Variants in NPY5R observed in about 807,000 individuals in gnomAD.
NPY5R encodes the protein neuropeptide Y receptor Y5.
Under a neutral mutation model 24.8 loss-of-function variants are expected in NPY5R, and 21 were observed. That is an observed-to-expected ratio of 0.85 (90% CI 0.60 to 1.22). The LOEUF (loss-of-function observed/expected upper bound fraction) is 1.22, where lower values mean the gene tolerates loss of function less well. Among genes scored for constraint, NPY5R ranks in the 50% most tolerant of loss-of-function variants. The pLI is 0.00. For missense variants in NPY5R, 481 were observed against 521.3 expected, an observed-to-expected ratio of 0.92 and a Z score of 0.75; for synonymous variants, 175 against 183.0, an observed-to-expected ratio of 0.96 and a Z score of 0.35.
At chr4:163,345,559 T>G (rs936943270) in intron 1 of NPY5R, 155 bp from the exon 2 acceptor site, 3 of 152,194 alleles carry the variant, frequency 2.0e-5, no homozygotes, top group Non-Finnish European at 2.9e-5. Context: ...TAATATTCCA[T>G]GTTAAAATAT....
chr4:163,349,834 G>T (rs1039103678), intron 3 of NPY5R, among the ~76,000 whole-genome samples: 1 of 152,054 alleles, frequency 6.6e-6, no homozygotes, highest in African/African-American at 2.4e-5. Flanking sequence ...TAAACTTTCT[G>T]GGCTGGGCAC....
chr4:163,351,343 C>T lies in NPY5R; in HGVS notation c.1070C>T (p.Thr357Ile). The T allele has an allele frequency of 1.2e-6, 2 of 1,613,588 alleles. No individual in the cohort carries two copies. The highest frequency in any genetic ancestry group is 1.7e-6 in the Non-Finnish European group (2 of 1,179,604). The stretch of plus-strand genomic sequence containing the variant: ...GAATTGAGAGTAAAACGTTCTGTTA[C>T]AAGAATAAAAAAGAGATCTCGAAGT... ...VHELRVKRSV[T>I]RIKKRSRSVF... The change falls in exon 4 of 4, where the codon ACA becomes ATA. Residue 357 changes from threonine to isoleucine, a missense_variant. By Grantham distance (89) the Thr-to-Ile change is moderately conservative. Transcript: ENST00000338566.
At position 163,350,785 on chromosome 4, in the gene NPY5R, G is replaced by A; in HGVS notation, c.512G>A (p.Cys171Tyr). The A allele has an allele frequency of 3.7e-6, 6 of 1,614,172 alleles. No homozygotes were observed. Among genetic ancestry groups the A allele is most frequent in the Non-Finnish European group, 3.4e-6 (4 of 1,180,016 alleles). The change falls in exon 4 of 4, where the codon TGT becomes TAT. Residue 171 changes from cysteine (C) to tyrosine (Y), a missense_variant. Transcript: ENST00000338566. ...ATVWTLGFAI[C>Y]SPLPVFHSLV... ...GTCTGGACACTAGGTTTTGCCATCTGTTCTCCCCTTCCAGTGTTTCACAGT... is the reference window on the plus strand; with the variant it reads ...GTCTGGACACTAGGTTTTGCCATCTATTCTCCCCTTCCAGTGTTTCACAGT...
chr4:163,350,206 T>A, intron 3 of NPY5R, 59 bp from the exon 4 acceptor site: 2 of 1,284,908 alleles, frequency 1.6e-6, no homozygotes, highest in East Asian at 4.7e-5. Context: ...ATAGATTAAT[T>A]TAAAGTAGTC....
chr4:163,351,100 A>C lies in NPY5R; in HGVS notation c.827A>C (p.Lys276Thr). ...GPQVKLSGSH[K>T]WSYSFIKKHR... ...CAGGTGAAACTCTCTGGCAGCCATA[A>C]ATGGAGTTATTCATTCATCAAAAAA... The change falls in exon 4 of 4, where the codon AAA (lysine) becomes ACA (threonine). Residue 276 changes from lysine to threonine, a missense_variant. Transcript: ENST00000338566. The C allele has an allele frequency of 6.2e-7, 1 of 1,614,142 alleles. No homozygotes were observed. The highest frequency in any genetic ancestry group is 8.5e-7 in the Non-Finnish European group (1 of 1,180,024).
At chr4:163,345,667 T>G (rs1471615140) in intron 1 of NPY5R, 47 bp from the exon 2 acceptor site, 1 of 152,218 alleles carries the variant, frequency 6.6e-6, no homozygotes, top group Non-Finnish European at 1.5e-5. Context: ...CATAAAAATG[T>G]ACAGCACTCG....
Position 163,351,394 on chromosome 4 carries a change from T to TA in NPY5R, c.1122dup (p.Leu375IlefsTer6). On this transcript the variant is annotated frameshift_variant, in exon 4 of 4. Coordinates refer to ENST00000338566, the MANE Select transcript of NPY5R (RefSeq NM_006174.4). LOFTEE classifies it high-confidence loss of function. ...GTTTTCTACAGACTGACCATACTGA[T>TA]ATTAGTATTTGCTGTTAGTTGGATG... 6.2e-7 allele frequency: 1 copy of TA among 1,612,512 alleles called. No individual in the cohort carries two copies. Among genetic ancestry groups the TA allele is most frequent in the South Asian group, 1.1e-5 (1 of 91,060 alleles).
At chr4:163,348,277 A>G (rs1234428476) in intron 3 of NPY5R, among the ~76,000 whole-genome samples, 1 of 152,156 alleles carries the variant, frequency 6.6e-6, no homozygotes, top group Non-Finnish European at 1.5e-5. Flanking sequence ...ATTTATTGGA[A>G]TTAATTTCTT....
intron 1 of NPY5R, chr4:163,345,173 C>T (rs533829644): frequency 1.3e-5 from 2 of 152,246 alleles, no homozygotes; most frequent in African/African-American, 4.8e-5. Context: ...AACAAAGAAA[C>T]CTTATTTAAA....
At chr4:163,348,984 G>A (rs952078156) in intron 3 of NPY5R, among the ~76,000 whole-genome samples, 2 of 145,144 alleles carry the variant, frequency 1.4e-5, no homozygotes, top group Non-Finnish European at 3.0e-5. Context: ...AAATTTGATT[G>A]TTTGTTTTTT....
chr4:163,351,310 A>G lies in NPY5R; in HGVS notation c.1037A>G (p.Asp346Gly), dbSNP rs756470118. ...GAGATAAAACCTGAAGAAAATTCAG[A>G]TGTTCATGAATTGAGAGTAAAACGT... is the stretch of plus-strand genomic sequence containing the variant. ...CFEIKPEENS[D>G]VHELRVKRSV... Residue 346 changes from aspartate (D) to glycine (G), a missense_variant, in exon 4 of 4, where the codon GAT (aspartate) becomes GGT (glycine). Transcript: ENST00000338566. 8.7e-6 allele frequency: 14 copies of G among 1,612,894 alleles called. No homozygotes were observed. Among genetic ancestry groups the G allele is most frequent in the Middle Eastern group, 3.3e-4 (2 of 6,060 alleles).
intron 2 of NPY5R, among the ~76,000 whole-genome samples, chr4:163,346,862 C>T (rs576120238): frequency 1.3e-5 from 2 of 152,146 alleles, no homozygotes; most frequent in South Asian, 4.2e-4. Flanking sequence ...GTGTGATAGC[C>T]TTTATCAATG....
chr4:163,352,235 G>A (rs1009513586), downstream of NPY5R, among the ~76,000 whole-genome samples: 5 of 152,082 alleles, frequency 3.3e-5, no homozygotes, highest in Non-Finnish European at 7.4e-5. Context: ...CACTGTCCTA[G>A]TAATACACAA....
Position 163,350,586 on chromosome 4 carries a change from G to GA in NPY5R, c.314dup (p.Asp105GlufsTer45). The stretch of plus-strand genomic sequence containing the variant: ...TTTCACACTGACGTCTGTCTTGCTG[G>GA]ATCAGTGGATGTTTGGCAAAGTCAT... On this transcript the variant is annotated frameshift_variant, in exon 4 of 4. Transcript: ENST00000338566. LOFTEE classifies it high-confidence loss of function. The GA allele has an allele frequency of 6.2e-7, 1 of 1,614,150 alleles. No individual in the cohort carries two copies. The highest frequency in any genetic ancestry group is 8.5e-7 in the Non-Finnish European group (1 of 1,179,994).
chr4:163,345,031 A>C (rs973684831), intron 1 of NPY5R: 3 of 152,252 alleles, frequency 2.0e-5, no homozygotes, highest in African/African-American at 4.8e-5. Flanking sequence ...CCACGATCAC[A>C]GCAAAACAGA....
chr4:163,346,911 TCTGTCTAGGTATCTCCTC>T lies in NPY5R; in HGVS notation c.-80-538_-80-521del, dbSNP rs533844880. Among the ~76,000 whole-genome samples, 9 of 152,316 alleles carry T rather than the reference TCTGTCTAGGTATCTCCTC, an allele frequency of 5.9e-5. No homozygotes were observed. In the East Asian group the frequency reaches 1.5e-3, roughly 26 times the overall value. On this transcript the variant is annotated intron_variant, in intron 2 of 3. Coordinates refer to ENST00000338566, the MANE Select transcript of NPY5R (RefSeq NM_006174.4). ...TTAAAGTGCTAAACTATCTTTATTG[TCTGTCTAGGTATCTCCTC>T]CTCATTGCATTTTGGGGCCATTTGA...
intron 3 of NPY5R, chr4:163,349,421 A>G: frequency 2.6e-6 from 1 of 386,326 alleles, no homozygotes; most frequent in Non-Finnish European, 3.5e-6. Context: ...ATGAAAGCAG[A>G]TTATGATATG....
At chr4:163,349,979 C>T (rs1487215973) in intron 3 of NPY5R, among the ~76,000 whole-genome samples, 1 of 151,770 alleles carries the variant, frequency 6.6e-6, no homozygotes, top group African/African-American at 2.4e-5. Flanking sequence ...TGGCGGGCGC[C>T]TGTAGTCCCA....
intron 3 of NPY5R, 64 bp from the exon 4 acceptor site, chr4:163,350,201 T>C: frequency 1.7e-6 from 2 of 1,208,532 alleles, no homozygotes; most frequent in Non-Finnish European, 2.3e-6. Context: ...TCTGAATAGA[T>C]TAATTTAAAG....
Sources: allele counts gnomAD v4.1 joint callset (sites outside exome capture counted in the v4.1 genomes callset), GRCh38; gene constraint gnomAD v4.1.1; transcripts MANE v1.5; gene names NCBI Gene and HGNC (gene_info 2026-07-23, HGNC 2026-07-21).